Variants in MAST4 observed in about 807,000 individuals in gnomAD.
The protein encoded by MAST4 is microtubule associated serine/threonine kinase family member 4.
Under a neutral mutation model 162.7 loss-of-function variants are expected in MAST4, and 89 were observed. The ratio of observed to expected loss-of-function variants is 0.55; its 90% CI spans 0.46 to 0.65. The LOEUF (loss-of-function observed/expected upper bound fraction) is 0.65, where lower values mean the gene tolerates loss of function less well. Among genes scored for constraint, MAST4 ranks in the 30% least tolerant of loss-of-function variants. The pLI is 0.00. For synonymous variants in MAST4, 1,479 were observed against 1,361.1 expected (o/e 1.09, Z -1.91); for missense variants, 3,153 against 3,374.0 (o/e 0.93, Z 1.62).
chr5:66,956,493 A>G (rs1214847372), intron 4 of MAST4, among the ~76,000 whole-genome samples: 1 of 152,078 alleles, frequency 6.6e-6, no homozygotes, highest in South Asian at 2.1e-4. Flanking sequence ...TTATTCACCA[A>G]TTGGAATGCA....
At chr5:66,777,643 G>T (rs1222200704) in intron 2 of MAST4, among the ~76,000 whole-genome samples, 1 of 152,188 alleles carries the variant, frequency 6.6e-6, no homozygotes, top group African/African-American at 2.4e-5. Flanking sequence ...TTTAGATGGA[G>T]TGAAATCTTA....
At chr5:66,916,214 TGGCTC>T (rs1404567778) in intron 4 of MAST4, among the ~76,000 whole-genome samples, 1 of 152,248 alleles carries the variant, frequency 6.6e-6, no homozygotes, top group Non-Finnish European at 1.5e-5. Flanking sequence ...ATTGTATAAG[TGGCTC>T]TGAATTGTAT....
chr5:66,985,931 A>T (rs567873357), intron 4 of MAST4, among the ~76,000 whole-genome samples: 2 of 152,340 alleles, frequency 1.3e-5, no homozygotes, highest in East Asian at 3.9e-4. Flanking sequence ...AGTCATCTAC[A>T]TGTAGACAGC....
At chr5:67,162,295 C>CA (rs1195249954) in intron 27 of MAST4, among the ~76,000 whole-genome samples, 2 of 152,216 alleles carry the variant, frequency 1.3e-5, no homozygotes, top group Non-Finnish European at 2.9e-5. Context: ...AGCTTTCAAG[C>CA]AAAGAGCATC....
At chr5:67,084,203 G>A (rs1020693262) in intron 5 of MAST4, among the ~76,000 whole-genome samples, 2 of 152,140 alleles carry the variant, frequency 1.3e-5, no homozygotes, top group African/African-American at 4.8e-5. Flanking sequence ...AACCTCATCA[G>A]TCATTCCTTA....
intron 3 of MAST4, among the ~76,000 whole-genome samples, chr5:66,896,999 A>G (rs1328865100): frequency 6.6e-6 from 1 of 152,230 alleles, no homozygotes; most frequent in Non-Finnish European, 1.5e-5. Flanking sequence ...GGAGGATACA[A>G]TATCAAGCAA....
chr5:66,977,111 T>C (rs1357061125), intron 4 of MAST4, among the ~76,000 whole-genome samples: 1 of 152,136 alleles, frequency 6.6e-6, no homozygotes, highest in African/African-American at 2.4e-5. Flanking sequence ...TATCAGACTT[T>C]CTTTTTGAGA....
intron 4 of MAST4, among the ~76,000 whole-genome samples, chr5:66,905,765 C>A (rs1763317458): frequency 6.6e-6 from 1 of 152,088 alleles, no homozygotes; most frequent in Non-Finnish European, 1.5e-5. Flanking sequence ...GCTTACAGAT[C>A]ATAGGTGGAT....
chr5:66,653,462 C>G (rs1456442036), intron 1 of MAST4, among the ~76,000 whole-genome samples: 1 of 152,190 alleles, frequency 6.6e-6, no homozygotes, highest in African/African-American at 2.4e-5. Flanking sequence ...ATGACATTGC[C>G]TACTCAGCCT....
At chr5:66,642,526 GTTATCTTT>G (rs1164543957) in intron 1 of MAST4, among the ~76,000 whole-genome samples, 4 of 152,150 alleles carry the variant, frequency 2.6e-5, no homozygotes, top group Admixed American at 2.0e-4. Context: ...TTTAAAAAGA[GTTATCTTT>G]TAGAGAGACG....
chr5:67,025,200 T>C (rs1754492792), intron 4 of MAST4, among the ~76,000 whole-genome samples: 1 of 152,168 alleles, frequency 6.6e-6, no homozygotes, highest in Non-Finnish European at 1.5e-5. Context: ...CCAATTATAA[T>C]GAAAGAGTCA....
At chr5:66,643,480 CTG>C (rs1745618633) in intron 1 of MAST4, among the ~76,000 whole-genome samples, 1 of 152,120 alleles carries the variant, frequency 6.6e-6, no homozygotes, top group Non-Finnish European at 1.5e-5. Context: ...CAGTTTAAAA[CTG>C]AAAGTAAACA....
At chr5:66,926,260 T>C (rs1468186860) in intron 4 of MAST4, among the ~76,000 whole-genome samples, 1 of 152,138 alleles carries the variant, frequency 6.6e-6, no homozygotes, top group Admixed American at 6.5e-5. Flanking sequence ...AATTAAATTA[T>C]TTTCTGGCTG....
At chr5:66,919,419 G>T (rs1468011971) in intron 4 of MAST4, among the ~76,000 whole-genome samples, 3 of 151,978 alleles carry the variant, frequency 2.0e-5, no homozygotes, top group Non-Finnish European at 4.4e-5. Context: ...CCAGAACTTT[G>T]GGAGGCCAAG....
chr5:66,799,694 C>A (rs1396922930), intron 3 of MAST4, among the ~76,000 whole-genome samples: 2 of 152,182 alleles, frequency 1.3e-5, no homozygotes, highest in African/African-American at 2.4e-5. Context: ...GGATCATGCT[C>A]TGCTGTGGCC....
rs1414055821 is a variant in MAST4, at chr5:66,928,594, TTGTGGG to T, written c.674+28614_674+28619del. ...ACTACATTACCTGTTAAATTGGCCT[TTGTGGG>T]TAAACCTAGAAACCTCCCAGCTGTT... On this transcript the variant is annotated intron_variant, in intron 4 of 28. Transcript: ENST00000403625. 3.6e-3 allele frequency among the ~76,000 whole-genome samples: 542 copies of T among 152,308 alleles called. 1 individual carries two copies. Among genetic ancestry groups the T allele is most frequent in the African/African-American group, 0.012 (516 of 41,574 alleles).
At chr5:66,911,574 C>T (rs894590349) in intron 4 of MAST4, among the ~76,000 whole-genome samples, 3 of 38,368 alleles carry the variant, frequency 7.8e-5, no homozygotes. Context: ...CCCCCCCCCC[C>T]CGCAAAAAAA....
chr5:66,950,600 G>A (rs1580986469), intron 4 of MAST4, among the ~76,000 whole-genome samples: 1 of 152,136 alleles, frequency 6.6e-6, no homozygotes, highest in African/African-American at 2.4e-5. Context: ...CATCCATGTT[G>A]TAATATGTGT....
chr5:67,165,345 A>G lies in MAST4; in HGVS notation c.6166A>G (p.Arg2056Gly). The G allele has an allele frequency of 6.2e-7, 1 of 1,613,682 alleles. No homozygotes were observed. Reference protein sequence around the residue: ...DGPGEARPPPRDNSSLHSAGI... With the variant: ...DGPGEARPPPGDNSSLHSAGI... ...CCCAGGTGAGGCGAGGCCCCCGCCCAGAGACAACTCCTCTCTGCACTCAGC... is the reference window on the plus strand; with the variant it reads ...CCCAGGTGAGGCGAGGCCCCCGCCCGGAGACAACTCCTCTCTGCACTCAGC... Residue 2056 changes from arginine to glycine, a missense_variant, in exon 29 of 29, where the codon AGA (arginine) becomes GGA (glycine). Coordinates refer to ENST00000403625, the MANE Select transcript of MAST4 (RefSeq NM_001164664.2).
Sources: allele counts gnomAD v4.1 joint callset (sites outside exome capture counted in the v4.1 genomes callset), GRCh38; gene constraint gnomAD v4.1.1; transcripts MANE v1.5; gene names NCBI Gene and HGNC (gene_info 2026-07-23, HGNC 2026-07-21).